DYM: variants seen among roughly 807,000 people sequenced by gnomAD.
DYM encodes dymeclin.
DYM carries 78 observed loss-of-function variants against 93.1 expected under a neutral mutation model. The ratio of observed to expected loss-of-function variants is 0.84; its 90% CI spans 0.70 to 1.01. The LOEUF (loss-of-function observed/expected upper bound fraction) is 1.01. Among genes scored for constraint, DYM ranks in the 50% least tolerant of loss-of-function variants. The probability of loss-of-function intolerance (pLI) is 0.00; values close to 1 mark genes in which losing one functional copy is unlikely to be tolerated. For missense variants in DYM, 789 were observed against 845.0 expected (o/e 0.93, Z 0.82); for synonymous variants, 321 against 319.7 (o/e 1.00, Z -0.04).
At chr18:49,049,710 A>C (rs2072137613) in intron 17 of DYM, 2 of 154,416 alleles carry the variant, frequency 1.3e-5, no homozygotes, top group Non-Finnish European at 2.9e-5. Flanking sequence ...AAGACTAGAC[A>C]TACTATGATG....
chr18:49,439,053 T>C (rs1344572548), intron 1 of DYM, among the ~76,000 whole-genome samples: 2 of 152,216 alleles, frequency 1.3e-5, no homozygotes, highest in Non-Finnish European at 2.9e-5. Context: ...AATCTGTCAG[T>C]AACTGATCCC....
chr18:49,437,588 G>A (rs139766314), intron 1 of DYM, among the ~76,000 whole-genome samples: 1 of 152,082 alleles, frequency 6.6e-6, no homozygotes, highest in South Asian at 2.1e-4. Context: ...TAAATCCAGA[G>A]AAATAGAATT....
intron 6 of DYM, among the ~76,000 whole-genome samples, chr18:49,341,693 T>C (rs1442575266): frequency 6.6e-6 from 1 of 152,022 alleles, no homozygotes; most frequent in African/African-American, 2.4e-5. Flanking sequence ...AAATTTTCCA[T>C]AAATTCAAAA....
At chr18:49,214,156 C>T (rs1372119470) in intron 13 of DYM, among the ~76,000 whole-genome samples, 1 of 152,176 alleles carries the variant, frequency 6.6e-6, no homozygotes, top group African/African-American at 2.4e-5. Flanking sequence ...ACCAGGGTTC[C>T]CATCCCCCAT....
intron 2 of DYM, among the ~76,000 whole-genome samples, chr18:49,414,489 A>G (rs1268266898): frequency 6.6e-6 from 1 of 152,226 alleles, no homozygotes; most frequent in Non-Finnish European, 1.5e-5. Flanking sequence ...AAACAGGCTC[A>G]TCTCTGGAAT....
At chr18:49,079,505 A>G (rs554760938) in intron 17 of DYM, among the ~76,000 whole-genome samples, 2 of 152,014 alleles carry the variant, frequency 1.3e-5, no homozygotes, top group Admixed American at 1.3e-4. Flanking sequence ...GGGCAGATAA[A>G]CAAGTGAACA....
At chr18:49,256,229 G>C (rs1032871217) in intron 13 of DYM, among the ~76,000 whole-genome samples, 1 of 152,078 alleles carries the variant, frequency 6.6e-6, no homozygotes, top group African/African-American at 2.4e-5. Context: ...TGGCAAAAGC[G>C]ACCTTGTGAT....
rs2092682748 is a variant in DYM, at chr18:49,209,563, G to A, written c.1613C>T (p.Ser538Phe). ...AGAGGTTAATAACCTGGAAGCATAGGATCTGAGAATGTGAGAGCAAGTTAA... is the reference window on the plus strand; with the variant it reads ...AGAGGTTAATAACCTGGAAGCATAGAATCTGAGAATGTGAGAGCAAGTTAA... ...LSLTCSHILR[S>F]YASSLFSLLS... Residue 538 changes from serine (S) to phenylalanine (F), a missense_variant, in exon 14 of 18, where the codon TCC (serine) becomes TTC (phenylalanine). By Grantham distance (155) the Ser-to-Phe change is radical. This residue lies in a region of DYM where 225 missense variants were observed against 303.0 expected (regional missense o/e 0.74). Coordinates refer to ENST00000675505, the MANE Select transcript of DYM (RefSeq NM_001353214.3). 1 of 1,289,492 alleles carries A rather than the reference G, an allele frequency of 7.8e-7. No individual in the cohort carries two copies. The highest frequency in any genetic ancestry group is 1.5e-5 in the African/African-American group (1 of 65,854). The allele number at this position is 1,289,492 out of a possible 1,614,324, so 79.9% of individuals were successfully genotyped here. A position where few individuals can be genotyped will look rare whatever the true frequency, so the allele number is the denominator to read the frequency against.
intron 2 of DYM, among the ~76,000 whole-genome samples, chr18:49,417,656 C>A (rs544602446): frequency 6.6e-6 from 1 of 152,046 alleles, no homozygotes; most frequent in South Asian, 2.1e-4. Context: ...AATATACATG[C>A]TATTATTTAT....
At position 49,118,745 on chromosome 18, in the gene DYM, A is replaced by C. The variant is rs766663061; in HGVS notation, c.1910T>G (p.Leu637Arg). 1.2e-5 allele frequency: 20 copies of C among 1,612,562 alleles called. No individual in the cohort carries two copies. Among genetic ancestry groups the C allele is most frequent in the Non-Finnish European group, 1.7e-5 (20 of 1,178,690 alleles). ...ATAAATGTCTTCATTTACACTCACC[A>C]GATCAATATTTTGCATTATATCCTG... The part of the protein sequence containing the change: ...SFQDIMQNID[L>R]VISFFSSRLL... Residue 637 changes from leucine (L) to arginine (R), a missense_variant and splice_region_variant, in exon 16 of 18, where the codon CTG becomes CGG. Around this residue, in one of 3 missense-constraint regions of DYM, gnomAD observed 114 missense variants for 105.8 expected, o/e 1.08. Coordinates refer to ENST00000675505, the MANE Select transcript of DYM (RefSeq NM_001353214.3).
At chr18:49,324,330 TTTTC>T (rs1255458826) in intron 8 of DYM, among the ~76,000 whole-genome samples, 3 of 152,222 alleles carry the variant, frequency 2.0e-5, no homozygotes, top group Non-Finnish European at 2.9e-5. Flanking sequence ...GCATCAAATA[TTTTC>T]TTTATGAAAA....
chr18:49,105,184 T>A (rs2080655688), intron 16 of DYM, among the ~76,000 whole-genome samples: 1 of 152,242 alleles, frequency 6.6e-6, no homozygotes, highest in South Asian at 2.1e-4. Context: ...GATTTTCTAG[T>A]TTATTTGCGT....
intron 5 of DYM, among the ~76,000 whole-genome samples, chr18:49,374,569 T>C (rs2067316760): frequency 6.6e-6 from 1 of 152,234 alleles, no homozygotes; most frequent in Non-Finnish European, 1.5e-5. Context: ...AAATGACAAA[T>C]GCTCAATCTC....
intron 17 of DYM, among the ~76,000 whole-genome samples, chr18:49,056,869 T>G (rs1278379851): frequency 6.6e-6 from 1 of 152,214 alleles, no homozygotes; most frequent in Admixed American, 6.5e-5. Context: ...TTTTTGTATT[T>G]TTTGTAAAGA....
rs2144011129 is a variant in DYM at position 49,042,043 on chromosome 18, A to T, written c.*2012T>A. On this transcript the variant is annotated 3_prime_UTR_variant, in exon 18 of 18. Coordinates refer to ENST00000675505, the MANE Select transcript of DYM (RefSeq NM_001353214.3). ...CTTTGGAAACAAATTAAAGTTGCAA[A>T]TTATTTCCCCACATAGTAAATACAT... The T allele has an allele frequency of 6.6e-6, 1 of 152,356 alleles. No homozygotes were observed. The highest frequency in any genetic ancestry group is 3.4e-3 in the Middle Eastern group (1 of 294). 9.4% of individuals were successfully genotyped at this position (152,356 alleles called of 1,614,324 possible). A position where few individuals can be genotyped will look rare whatever the true frequency, so the allele number is the denominator to read the frequency against.
At chr18:49,351,091 G>A (rs560952928) in intron 6 of DYM, among the ~76,000 whole-genome samples, 1 of 152,240 alleles carries the variant, frequency 6.6e-6, no homozygotes, top group African/African-American at 2.4e-5. Flanking sequence ...ACAAAGTCCA[G>A]TATCTGACTT....
chr18:49,083,048 A>C (rs1334064997), intron 17 of DYM, among the ~76,000 whole-genome samples: 1 of 151,362 alleles, frequency 6.6e-6, no homozygotes, highest in Non-Finnish European at 1.5e-5. Context: ...AACATTTTCT[A>C]TAAAGGGCCC....
chr18:49,412,977 G>A (rs12606885), intron 2 of DYM: 2 of 152,242 alleles, frequency 1.3e-5, no homozygotes, highest in Non-Finnish European at 2.9e-5. Context: ...CCATCAGCTT[G>A]TGTGATCACT....
Position 49,080,837 on chromosome 18 carries a change from C to T in DYM, c.2025+16565G>A, listed in dbSNP as rs557948054. Among the ~76,000 whole-genome samples the T allele has an allele frequency of 1.4e-4, 21 of 151,038 alleles. No homozygotes were observed. In the South Asian group the frequency reaches 4.2e-3, roughly 30 times the overall value. The stretch of plus-strand genomic sequence containing the variant: ...TCACTTCTCAGACGGGGCGGCTGGG[C>T]AGAGACGCTCCTCACCTCCCAGACG... On this transcript the variant is annotated intron_variant, in intron 17 of 17. Coordinates refer to ENST00000675505, the MANE Select transcript of DYM (RefSeq NM_001353214.3).
Sources: gnomAD v4.1 joint callset for allele counts (sites outside exome capture counted in the v4.1 genomes callset) on GRCh38, gnomAD v4.1.1 for gene constraint, gnomAD v4.1.1 regional missense constraint, MANE v1.5 for transcripts, NCBI Gene and HGNC (gene_info 2026-07-23, HGNC 2026-07-21) for gene names.